Variants in TCF7L2 observed in about 807,000 individuals in gnomAD.
TCF7L2 encodes the protein transcription factor 7 like 2.
In TCF7L2, 23 loss-of-function variants were observed where a neutral mutation model predicts 77.9. That is an observed-to-expected ratio of 0.30 (90% CI 0.21 to 0.42). TCF7L2 has a LOEUF of 0.42. Ranked by LOEUF, TCF7L2 falls within the 10% of genes least tolerant of loss-of-function variation. TCF7L2 has a pLI of 1.00. For synonymous variants in TCF7L2, 413 were observed against 340.2 expected (o/e 1.21, Z -2.36); for missense variants, 654 against 793.1 (o/e 0.82, Z 2.11).
At chr10:112,971,746 G>A (rs964445444) in intron 4 of TCF7L2, among the ~76,000 whole-genome samples, 2 of 151,368 alleles carry the variant, frequency 1.3e-5, no homozygotes, top group African/African-American at 4.9e-5. Context: ...CTGAGTAGCT[G>A]GGACTACAGG....
chr10:113,094,789 T>C (rs1303933143), intron 5 of TCF7L2, among the ~76,000 whole-genome samples: 1 of 152,204 alleles, frequency 6.6e-6, no homozygotes, highest in Non-Finnish European at 1.5e-5. Flanking sequence ...CTTAATATGC[T>C]TAGCTATTGC....
chr10:113,148,011 G>A (rs927332386), intron 8 of TCF7L2, among the ~76,000 whole-genome samples: 6 of 152,152 alleles, frequency 3.9e-5, no homozygotes, highest in South Asian at 2.1e-4. Context: ...ATAATGGGGC[G>A]ACAGAAGTAT....
intron 4 of TCF7L2, among the ~76,000 whole-genome samples, chr10:112,984,575 A>T (rs1214086440): frequency 1.3e-5 from 2 of 151,994 alleles, no homozygotes; most frequent in East Asian, 1.9e-4. Flanking sequence ...CTAAAAAAAA[A>T]TTAATACCAA....
intron 5 of TCF7L2, among the ~76,000 whole-genome samples, chr10:113,136,981 T>A (rs942798994): frequency 6.6e-6 from 1 of 152,028 alleles, no homozygotes; most frequent in Non-Finnish European, 1.5e-5. Flanking sequence ...TTAAAGGCCC[T>A]TGCCCTGATC....
At chr10:113,066,052 G>A (rs1248335694) in intron 5 of TCF7L2, among the ~76,000 whole-genome samples, 3 of 152,156 alleles carry the variant, frequency 2.0e-5, no homozygotes, top group Non-Finnish European at 4.4e-5. Flanking sequence ...CTGAATTCCA[G>A]TATACCATCA....
chr10:112,995,291 T>G (rs2043263670), intron 4 of TCF7L2, among the ~76,000 whole-genome samples: 1 of 152,230 alleles, frequency 6.6e-6, no homozygotes, highest in East Asian at 1.9e-4. Flanking sequence ...CGGCCTTACG[T>G]TTTTTTGTTT....
rs568810462 is a variant in TCF7L2, at chr10:113,064,334, T to C, written c.552+24208T>C. Among the ~76,000 whole-genome samples the C allele has an allele frequency of 2.6e-5, 4 of 152,320 alleles. No homozygotes were observed. The East Asian group carries it at 7.7e-4, about 29-fold the overall frequency. ...GTGCTCTGCAGAAGGTTGGTGAACA[T>C]GTAAATGCGGGTAGTAGGCTCACAT... is the stretch of plus-strand genomic sequence containing the variant. On this transcript the variant is annotated intron_variant, in intron 5 of 13. Coordinates refer to ENST00000627217, the MANE Select transcript of TCF7L2 (RefSeq NM_001146274.2).
At chr10:113,139,841 A>G (rs1049660493) in intron 5 of TCF7L2, among the ~76,000 whole-genome samples, 2 of 150,656 alleles carry the variant, frequency 1.3e-5, no homozygotes, top group African/African-American at 4.9e-5. Context: ...GGACAAGAAG[A>G]GAAATAGTAA....
chr10:113,017,248 A>G (rs2047495269), intron 4 of TCF7L2, among the ~76,000 whole-genome samples: 1 of 152,206 alleles, frequency 6.6e-6, no homozygotes, highest in Non-Finnish European at 1.5e-5. Flanking sequence ...GGGCAGTAAT[A>G]TCTGGGGCAG....
At chr10:113,161,641 G>A (rs1592493453) in intron 13 of TCF7L2, 4 of 1,535,360 alleles carry the variant, frequency 2.6e-6, no homozygotes, top group Middle Eastern at 3.3e-4. Context: ...TTCCCTGTTT[G>A]TAGTGCCTCC....
chr10:113,118,551 G>GTGTGTGTGTT (rs1030703346), intron 5 of TCF7L2, among the ~76,000 whole-genome samples: 1 of 150,262 alleles, frequency 6.7e-6, no homozygotes, highest in African/African-American at 2.4e-5. Context: ...GTGTGTGTGT[G>GTGTGTGTGTT]TGTTTGTTCA....
At chr10:113,033,616 T>A (rs2050632444) in intron 4 of TCF7L2, among the ~76,000 whole-genome samples, 1 of 152,222 alleles carries the variant, frequency 6.6e-6, no homozygotes, top group Non-Finnish European at 1.5e-5. Context: ...GATCTTTGGT[T>A]TTCTTTTCCT....
At chr10:113,140,485 G>A (rs368672504) in intron 5 of TCF7L2, among the ~76,000 whole-genome samples, 7 of 152,090 alleles carry the variant, frequency 4.6e-5, no homozygotes, top group East Asian at 1.9e-4. Flanking sequence ...ATGTATTAGC[G>A]TTCCCGGATG....
In TCF7L2 at chr10:113,151,703, C is replaced by T. The variant is rs772666801; in HGVS notation, c.1002-22C>T. 22 of 1,567,392 alleles carry T rather than the reference C, an allele frequency of 1.4e-5. No individual in the cohort carries two copies. The highest frequency in any genetic ancestry group is 5.5e-5 in the African/African-American group (4 of 72,446). Reference sequence around the variant, plus strand: ...GACCACGACCTTGTTTATTGGGTTGCGTCTGTTTTGTCTATCTCCAGAAAG... The same window carrying T: ...GACCACGACCTTGTTTATTGGGTTGTGTCTGTTTTGTCTATCTCCAGAAAG... On this transcript the variant is annotated intron_variant, in intron 9 of 13. Transcript: ENST00000627217. This position sits in a 1 kb window ranked among gnomAD's most constrained non-coding sequence, Gnocchi z 5.2.
At chr10:113,073,677 G>A (rs908245917) in intron 5 of TCF7L2, among the ~76,000 whole-genome samples, 10 of 151,044 alleles carry the variant, frequency 6.6e-5, no homozygotes, top group Admixed American at 1.3e-4. Context: ...GGGCGACTGT[G>A]AGACCCCGTC....
chr10:113,003,593 GA>G (rs1235353561), intron 4 of TCF7L2, among the ~76,000 whole-genome samples: 9 of 152,214 alleles, frequency 5.9e-5, no homozygotes. Context: ...GCAAGTAGGG[GA>G]GGTGAAGAGG....
At chr10:113,122,432 T>G (rs529191798) in intron 5 of TCF7L2, among the ~76,000 whole-genome samples, 1 of 152,262 alleles carries the variant, frequency 6.6e-6, no homozygotes, top group African/African-American at 2.4e-5. Flanking sequence ...TTTAGCCAGA[T>G]TGAGACAGAA....
At position 112,950,411 on chromosome 10, in the gene TCF7L2, C is replaced by T. The variant is rs1001099300; in HGVS notation, c.-346C>T. 2.2e-5 allele frequency: 5 copies of T among 225,448 alleles called. No homozygotes were observed. Among genetic ancestry groups the T allele is most frequent in the Admixed American group, 5.7e-5 (1 of 17,594 alleles). The allele number at this position is 225,448 out of a possible 1,614,324, so 14.0% of individuals were successfully genotyped here. A position where few individuals can be genotyped will look rare whatever the true frequency, so the allele number is the denominator to read the frequency against. ...CTCCTGTATCTTCGGCTTCCCCCCCCCTTTGCTCTTTATATCTGACTTCTT... is the reference window on the plus strand; with the variant it reads ...CTCCTGTATCTTCGGCTTCCCCCCCTCTTTGCTCTTTATATCTGACTTCTT... On this transcript the variant is annotated 5_prime_UTR_variant, in exon 1 of 14. Transcript: ENST00000627217.
chr10:113,049,616 T>G (rs1327223211), intron 5 of TCF7L2, among the ~76,000 whole-genome samples: 1 of 152,110 alleles, frequency 6.6e-6, no homozygotes, highest in African/African-American at 2.4e-5. Flanking sequence ...ATCATCTATC[T>G]CTGGTCTCCA....
Sources: allele counts gnomAD v4.1 joint callset (sites outside exome capture counted in the v4.1 genomes callset), GRCh38; gene constraint gnomAD v4.1.1; non-coding constraint Gnocchi (gnomAD v3.1); transcripts MANE v1.5; gene names NCBI Gene and HGNC (gene_info 2026-07-23, HGNC 2026-07-21).